Variants in LINGO2 observed in about 807,000 individuals in gnomAD.
LINGO2 encodes the protein leucine-rich repeat and immunoglobulin-like domain-containing nogo receptor-interacting protein 2.
Under a neutral mutation model 30.6 loss-of-function variants are expected in LINGO2, and 14 were observed. That is an observed-to-expected ratio of 0.46 (90% CI 0.30 to 0.72). LINGO2 has a LOEUF of 0.72. LINGO2 is among the 30% of genes least tolerant of loss of function. The pLI is 0.07. For synonymous variants in LINGO2, 317 were observed against 288.5 expected (o/e 1.10, Z -1.00); for missense variants, 729 against 751.7 (o/e 0.97, Z 0.35).
At position 28,343,141 on chromosome 9, in the gene LINGO2, A is replaced by G. The variant is rs954830553; in HGVS notation, c.-246+29695T>C. ...TAGGAAACAGGATAGCCTGAGGTCA[A>G]ACAGATAAGTGTTGTCTGTTTAGAA... On this transcript the variant is annotated intron_variant, in intron 3 of 5. Transcript: ENST00000379992. Among the ~76,000 whole-genome samples the G allele has an allele frequency of 5.9e-5, 9 of 152,330 alleles. No homozygotes were observed. The South Asian group carries it at 1.7e-3, about 28-fold the overall frequency.
intron 5 of LINGO2, among the ~76,000 whole-genome samples, chr9:27,991,861 C>T (rs1323191850): frequency 6.6e-6 from 1 of 152,026 alleles, no homozygotes; most frequent in Non-Finnish European, 1.5e-5. Flanking sequence ...GTTTCAGTAC[C>T]TGTCACTTTT....
the LINGO2 span, among the ~76,000 whole-genome samples, chr9:29,107,557 TTTC>T: frequency 6.6e-6 from 1 of 152,150 alleles, no homozygotes; most frequent in Non-Finnish European, 1.5e-5. Flanking sequence ...AAAATTTTTT[TTTC>T]TTCATGAAAC....
chr9:28,531,217 C>T (rs145999222), intron 1 of LINGO2, among the ~76,000 whole-genome samples: 39 of 152,028 alleles, frequency 2.6e-4, no homozygotes, highest in Admixed American at 7.9e-4. Flanking sequence ...ATATGATCAG[C>T]TTCCCTCATA....
chr9:28,775,087 T>C, the LINGO2 span, among the ~76,000 whole-genome samples: 1 of 152,168 alleles, frequency 6.6e-6, no homozygotes, highest in African/African-American at 2.4e-5. Flanking sequence ...TTGCTGGTGA[T>C]GCTGCCAAAG....
At chr9:28,517,350 T>C (rs567322049) in intron 1 of LINGO2, among the ~76,000 whole-genome samples, 1 of 152,326 alleles carries the variant, frequency 6.6e-6, no homozygotes, top group East Asian at 1.9e-4. Context: ...ATTGAAAACA[T>C]CTAACAGACT....
At chr9:28,879,658 C>T in the LINGO2 span, among the ~76,000 whole-genome samples, 1 of 152,150 alleles carries the variant, frequency 6.6e-6, no homozygotes, top group African/African-American at 2.4e-5. Flanking sequence ...AAACAACCAC[C>T]CTAACCTACA....
chr9:28,420,991 A>G (rs925683414), intron 2 of LINGO2, among the ~76,000 whole-genome samples: 4 of 152,064 alleles, frequency 2.6e-5, no homozygotes, highest in Non-Finnish European at 5.9e-5. Context: ...AGAAAATAAT[A>G]TAGTTGGTGA....
chr9:29,061,821 T>A, the LINGO2 span, among the ~76,000 whole-genome samples: 2 of 151,974 alleles, frequency 1.3e-5, no homozygotes, highest in Admixed American at 6.6e-5. Context: ...CAAAGACAGA[T>A]AAACTGGACT....
intron 2 of LINGO2, among the ~76,000 whole-genome samples, chr9:28,398,863 C>A (rs1219553903): frequency 6.6e-6 from 1 of 152,092 alleles, no homozygotes; most frequent in Non-Finnish European, 1.5e-5. Flanking sequence ...TATCTCAAGG[C>A]CTTTCACTTA....
At chr9:29,070,757 C>T in the LINGO2 span, among the ~76,000 whole-genome samples, 15 of 148,550 alleles carry the variant, frequency 1.0e-4, no homozygotes, top group East Asian at 9.8e-4. Context: ...AAAAAAAGAA[C>T]CTGAAAATTG....
chr9:28,951,150 C>T, the LINGO2 span, among the ~76,000 whole-genome samples: 1 of 152,142 alleles, frequency 6.6e-6, no homozygotes, highest in Non-Finnish European at 1.5e-5. Flanking sequence ...GAAGGATTCC[C>T]TGTTTAATAA....
At chr9:28,868,560 G>A in the LINGO2 span, among the ~76,000 whole-genome samples, 5 of 152,156 alleles carry the variant, frequency 3.3e-5, no homozygotes, top group South Asian at 1.0e-3. Context: ...CCACATAATA[G>A]TCCAGTGTTT....
chr9:28,990,243 C>T, the LINGO2 span, among the ~76,000 whole-genome samples: 1 of 152,194 alleles, frequency 6.6e-6, no homozygotes, highest in Middle Eastern at 3.2e-3. Flanking sequence ...CACGGAGTCT[C>T]GCTGACTGCT....
At chr9:28,477,047 T>C (rs1468351758) in intron 1 of LINGO2, among the ~76,000 whole-genome samples, 1 of 152,174 alleles carries the variant, frequency 6.6e-6, no homozygotes, top group East Asian at 1.9e-4. Flanking sequence ...GAAAGATAAG[T>C]TGGCAGAAAA....
At chr9:27,971,175 AATCT>A (rs1164923102) in intron 5 of LINGO2, among the ~76,000 whole-genome samples, 2 of 151,882 alleles carry the variant, frequency 1.3e-5, no homozygotes, top group African/African-American at 2.4e-5. Context: ...TAAACGTCAC[AATCT>A]ATCTTTTTTC....
At chr9:28,138,018 A>T (rs1827565837) in intron 4 of LINGO2, among the ~76,000 whole-genome samples, 1 of 152,196 alleles carries the variant, frequency 6.6e-6, no homozygotes, top group Non-Finnish European at 1.5e-5. Context: ...ATGCATTATC[A>T]AGTTTGTTCT....
chr9:28,284,584 G>A (rs1300354759), intron 4 of LINGO2, among the ~76,000 whole-genome samples: 3 of 152,064 alleles, frequency 2.0e-5, no homozygotes, highest in African/African-American at 7.2e-5. Flanking sequence ...TAAAATACAT[G>A]TAATAAAAAA....
chr9:28,440,348 G>A (rs1359323130), intron 2 of LINGO2, among the ~76,000 whole-genome samples: 1 of 152,238 alleles, frequency 6.6e-6, no homozygotes, highest in South Asian at 2.1e-4. Flanking sequence ...TAAAGTTACA[G>A]GTATTCTTTT....
chr9:28,878,941 C>G, the LINGO2 span, among the ~76,000 whole-genome samples: 1 of 152,046 alleles, frequency 6.6e-6, no homozygotes, highest in Non-Finnish European at 1.5e-5. Context: ...ACAGGGATGC[C>G]CTCTCTCACC....
Sources: allele counts gnomAD v4.1 joint callset (sites outside exome capture counted in the v4.1 genomes callset), GRCh38; gene constraint gnomAD v4.1.1; transcripts MANE v1.5; gene names NCBI Gene and HGNC (gene_info 2026-07-23, HGNC 2026-07-21).